The following PCDHGA2 variants were observed in gnomAD, a reference collection of about 807,000 sequenced individuals.
The protein encoded by PCDHGA2 is protocadherin gamma-A2.
A neutral mutation model predicts 59.2 loss-of-function variants in PCDHGA2; 40 were observed. The observed-to-expected ratio is 0.68, with a 90% CI of 0.52 to 0.88. PCDHGA2 has a LOEUF of 0.88. Ranked by LOEUF, PCDHGA2 falls within the 40% of genes least tolerant of loss-of-function variation. The probability of loss-of-function intolerance (pLI) is 0.00; values close to 1 mark genes in which losing one functional copy is unlikely to be tolerated. For synonymous variants in PCDHGA2, 560 were observed against 526.0 expected, an observed-to-expected ratio of 1.06 and a Z score of -0.89; for missense variants, 1,226 against 1,204.0, an observed-to-expected ratio of 1.02 and a Z score of -0.27.
intron 3 of PCDHGA2, among the ~76,000 whole-genome samples, chr5:141,505,782 T>A (rs1163025757): frequency 6.6e-6 from 1 of 152,204 alleles, no homozygotes; most frequent in Non-Finnish European, 1.5e-5. Context: ...CTAGCTCTGC[T>A]ACTATCCTTG....
In PCDHGA2 at chr5:141,340,050, C is replaced by G. The variant is rs763400815; in HGVS notation, c.1079C>G (p.Ser360Cys). ...GCTACTAGCTCAGTTTCTGAAGACT[C>G]TCTTCCAGGAACCATAATTGGGCTT... is the stretch of plus-strand genomic sequence containing the variant. ...TSATSSVSEDSLPGTIIGLFN... is the reference protein window; with the variant it reads ...TSATSSVSEDCLPGTIIGLFN... Residue 360 changes from serine to cysteine, a missense_variant, in exon 1 of 4, where the codon TCT becomes TGT. Physicochemically the swap from Ser to Cys is moderately radical, Grantham distance 112. Transcript: ENST00000394576. 7.6e-5 allele frequency: 122 copies of G among 1,614,046 alleles called. 1 individual carries two copies. Among genetic ancestry groups the G allele is most frequent in the Non-Finnish European group, 1.0e-4 (118 of 1,180,038 alleles).
chr5:141,405,461 C>T, intron 1 of PCDHGA2: 1 of 1,220,756 alleles, frequency 8.2e-7, no homozygotes, highest in Non-Finnish European at 1.1e-6. Context: ...ACTCTGTTAC[C>T]CAGGCTGGAA....
At chr5:141,456,309 A>T (rs1305324857) in intron 1 of PCDHGA2, among the ~76,000 whole-genome samples, 1 of 152,138 alleles carries the variant, frequency 6.6e-6, no homozygotes, top group Non-Finnish European at 1.5e-5. Flanking sequence ...AACAGCAGCT[A>T]GGGCTCCTCC....
chr5:141,375,770 C>T, intron 1 of PCDHGA2: 1 of 1,614,268 alleles, frequency 6.2e-7, no homozygotes, highest in East Asian at 2.2e-5. Flanking sequence ...GCCCGAGATC[C>T]TGTACCCCGC....
At chr5:141,424,547 T>A (rs1484479408) in intron 1 of PCDHGA2, 2 of 152,238 alleles carry the variant, frequency 1.3e-5, no homozygotes, top group African/African-American at 4.8e-5. Flanking sequence ...AACTTGATTT[T>A]GATTCAGTGC....
At chr5:141,341,724 A>AT (rs1302337809) in intron 1 of PCDHGA2, 14 of 440,948 alleles carry the variant, frequency 3.2e-5, no homozygotes, top group Non-Finnish European at 4.8e-5. Context: ...CAGATCAACA[A>AT]TTTTTTCTTT....
intron 1 of PCDHGA2, chr5:141,428,419 CTCTGT>C (rs2097138377): frequency 4.4e-6 from 2 of 451,802 alleles, no homozygotes; most frequent in African/African-American, 2.0e-5. Context: ...TCACCCTGGT[CTCTGT>C]TCTAAGACTA....
Position 141,487,613 on chromosome 5 carries a change from G to C in PCDHGA2, c.2425-7194G>C, listed in dbSNP as rs1460090760. 1 of 1,614,218 alleles carries C rather than the reference G, an allele frequency of 6.2e-7. No homozygotes were observed. ...ACCCTCTGATCTTCTCTATGGGCTA[G>C]AGGTGAGACCTTTGCAGGCTCAACA... On this transcript the variant is annotated intron_variant, in intron 1 of 3. Coordinates refer to ENST00000394576, the MANE Select transcript of PCDHGA2 (RefSeq NM_018915.4). The surrounding 1 kb of genome is among the most constrained non-coding windows in gnomAD (Gnocchi z 5.0).
chr5:141,390,124 C>T (rs369369148), intron 1 of PCDHGA2: 24 of 1,613,924 alleles, frequency 1.5e-5, no homozygotes, highest in Non-Finnish European at 1.9e-5. Context: ...GGGACTTTGC[C>T]TTATTCCTAC....
At position 141,477,677 on chromosome 5, in the gene PCDHGA2, TC is replaced by T; in HGVS notation, c.2425-17128del. On this transcript the variant is annotated intron_variant, in intron 1 of 3. Transcript: ENST00000394576. This position sits in a 1 kb window ranked among gnomAD's most constrained non-coding sequence, Gnocchi z 4.9. ...AAATCGTGACAATGGCATAGTGTCA[TC>T]CTTAGTGCCCCTAGACTATGAGGAT... 1 of 1,614,174 alleles carries T rather than the reference TC, an allele frequency of 6.2e-7. No homozygotes were observed. The highest frequency in any genetic ancestry group is 8.5e-7 in the Non-Finnish European group (1 of 1,180,038).
At chr5:141,417,068 T>C (rs1433034146) in intron 1 of PCDHGA2, 1 of 152,154 alleles carries the variant, frequency 6.6e-6, no homozygotes, top group African/African-American at 2.4e-5. Context: ...ATTGTAGCTA[T>C]TGTGAGAAAA....
chr5:141,394,868 C>A, intron 1 of PCDHGA2: 1 of 1,613,828 alleles, frequency 6.2e-7, no homozygotes, highest in Non-Finnish European at 8.5e-7. Flanking sequence ...TCGACCCGAA[C>A]GATTCGAGCC....
chr5:141,396,597 G>A (rs2150671251), intron 1 of PCDHGA2: 1 of 151,620 alleles, frequency 6.6e-6, no homozygotes, highest in Middle Eastern at 3.4e-3. Flanking sequence ...TCCAGCCTGG[G>A]CAACAGGGTG....
intron 1 of PCDHGA2, chr5:141,418,113 T>C (rs1320881856): frequency 3.1e-6 from 5 of 1,613,912 alleles, no homozygotes; most frequent in Non-Finnish European, 3.4e-6. Context: ...GGGGACTTAC[T>C]TGTGAAGGAC....
At chr5:141,419,939 G>T in intron 1 of PCDHGA2, 1 of 1,614,054 alleles carries the variant, frequency 6.2e-7, no homozygotes. Flanking sequence ...TTACCTGGTG[G>T]TGGCCTTGGC....
intron 2 of PCDHGA2, among the ~76,000 whole-genome samples, chr5:141,502,576 T>C (rs1226513508): frequency 6.6e-6 from 1 of 152,168 alleles, no homozygotes; most frequent in African/African-American, 2.4e-5. Flanking sequence ...ATTATAAAAA[T>C]ATATTTTTAT....
Position 141,339,706 on chromosome 5 carries a change from C to T in PCDHGA2, c.735C>T (p.Pro245=), listed in dbSNP as rs774870637. ...ACAATGCGCCTGTTTTTACACAGCC[C>T]GAGTACCGCATAAGCATTCCGGAGA... ...ANDNAPVFTQ[P]EYRISIPENT... is the part of the protein sequence containing the mutation. Residue 245 remains proline, a synonymous_variant, in exon 1 of 4, where the codon CCC becomes CCT. Coordinates refer to ENST00000394576, the MANE Select transcript of PCDHGA2 (RefSeq NM_018915.4). The T allele has an allele frequency of 2.7e-5, 44 of 1,614,032 alleles. No individual in the cohort carries two copies. The South Asian group carries it at 4.1e-4, about 15-fold the overall frequency.
At chr5:141,357,391 AGGTTGGC>A in intron 1 of PCDHGA2, 1 of 1,614,230 alleles carries the variant, frequency 6.2e-7, no homozygotes, top group Non-Finnish European at 8.5e-7. Flanking sequence ...TGAAGGCAGC[AGGTTGGC>A]AGGTGTGCCT....
chr5:141,365,828 C>T (rs768625295), intron 1 of PCDHGA2: 1 of 1,613,974 alleles, frequency 6.2e-7, no homozygotes, highest in Non-Finnish European at 8.5e-7. Context: ...TCAGGGGGCG[C>T]CCTTGTCCTC....
Sources: gnomAD v4.1 joint callset for allele counts (sites outside exome capture counted in the v4.1 genomes callset) on GRCh38, gnomAD v4.1.1 for gene constraint, Gnocchi (gnomAD v3.1) non-coding constraint, MANE v1.5 for transcripts, NCBI Gene and HGNC (gene_info 2026-07-23, HGNC 2026-07-21) for gene names.